VPS35L: variants seen among roughly 807,000 people sequenced by gnomAD.
VPS35L encodes the protein VPS35 endosomal protein sorting factor like, also known as VPS35 endosomal protein-sorting factor-like.
Under a neutral mutation model 133.0 loss-of-function variants are expected in VPS35L, and 83 were observed. That is an observed-to-expected ratio of 0.62 (90% CI 0.52 to 0.75). The LOEUF (loss-of-function observed/expected upper bound fraction) is 0.75. Among genes scored for constraint, VPS35L ranks in the 30% least tolerant of loss-of-function variants. VPS35L has a pLI of 0.00. For synonymous variants in VPS35L, 423 were observed against 449.9 expected (o/e 0.94, Z 0.76); for missense variants, 1,083 against 1,206.8 (o/e 0.90, Z 1.52).
chr16:19,566,163 C>T (rs1393009046), intron 2 of VPS35L, among the ~76,000 whole-genome samples: 1 of 152,170 alleles, frequency 6.6e-6, no homozygotes, highest in Non-Finnish European at 1.5e-5. Context: ...AGCACAGCCA[C>T]AGTTGCGTTC....
intron 14 of VPS35L, among the ~76,000 whole-genome samples, chr16:19,623,489 T>G (rs557762113): frequency 2.0e-5 from 3 of 152,188 alleles, no homozygotes; most frequent in African/African-American, 7.2e-5. Flanking sequence ...GGCTCCAACA[T>G]AGCAATTTAG....
chr16:19,645,063 G>T, intron 23 of VPS35L, 114 bp downstream of exon 23: 4 of 580,102 alleles, frequency 6.9e-6, no homozygotes, highest in Non-Finnish European at 2.8e-6. Context: ...TTCTTAGTGA[G>T]ATAAAATGAA....
chr16:19,558,144 A>T (rs1181202451), intron 1 of VPS35L, among the ~76,000 whole-genome samples: 2 of 152,214 alleles, frequency 1.3e-5, no homozygotes, highest in African/African-American at 4.8e-5. Flanking sequence ...GTGAGTGCTG[A>T]ATAATATTTA....
intron 1 of VPS35L, among the ~76,000 whole-genome samples, chr16:19,556,693 G>C (rs1318413639): frequency 6.6e-6 from 1 of 152,174 alleles, no homozygotes; most frequent in Non-Finnish European, 1.5e-5. Flanking sequence ...TTCTGCTTTT[G>C]AGCTTGATAA....
chr16:19,613,797 C>T (rs1342274826), intron 12 of VPS35L, among the ~76,000 whole-genome samples: 1 of 152,118 alleles, frequency 6.6e-6, no homozygotes, highest in Non-Finnish European at 1.5e-5. Flanking sequence ...GATCTAGCTC[C>T]ACCACAAACC....
At chr16:19,690,472 T>C (rs775186099) in intron 28 of VPS35L, among the ~76,000 whole-genome samples, 1 of 152,206 alleles carries the variant, frequency 6.6e-6, no homozygotes, top group Non-Finnish European at 1.5e-5. Context: ...CAAAGGGATT[T>C]ACACTTCTAG....
intron 9 of VPS35L, among the ~76,000 whole-genome samples, chr16:19,603,017 A>C (rs973396287): frequency 2.0e-5 from 3 of 148,716 alleles, no homozygotes; most frequent in African/African-American, 7.5e-5. Flanking sequence ...CTCCCACCTC[A>C]GCCTCCCAAA....
chr16:19,695,075 C>T (rs532146208), intron 29 of VPS35L, among the ~76,000 whole-genome samples: 22 of 152,030 alleles, frequency 1.4e-4, no homozygotes, highest in South Asian at 4.1e-4. Context: ...CAAAGTGCTG[C>T]GGATTCTGGG....
intron 3 of VPS35L, among the ~76,000 whole-genome samples, chr16:19,570,889 A>ATTTTTTTTT (rs1489865417): frequency 1.1e-5 from 1 of 91,852 alleles, no homozygotes; most frequent in African/African-American, 4.7e-5. Context: ...ATATATATAT[A>ATTTTTTTTT]TTTTTGAGAT....
rs545406545 is a variant in VPS35L, at chr16:19,563,733, C to A, written c.18-1118C>A. Among the ~76,000 whole-genome samples the A allele has an allele frequency of 1.2e-4, 18 of 152,360 alleles. No homozygotes were observed. In the South Asian group the frequency reaches 3.5e-3, roughly 30 times the overall value. Reference sequence around the variant, plus strand: ...TCTTCATCTCCTTTCTGCGTGGCTCCTTTCTCTTGCCCTATGCAGCTCAAT... The same window carrying A: ...TCTTCATCTCCTTTCTGCGTGGCTCATTTCTCTTGCCCTATGCAGCTCAAT... On this transcript the variant is annotated intron_variant, in intron 1 of 30. Coordinates refer to ENST00000417362, the MANE Select transcript of VPS35L (RefSeq NM_020314.7).
At chr16:19,669,505 C>A (rs1211274160) in intron 27 of VPS35L, among the ~76,000 whole-genome samples, 7 of 152,028 alleles carry the variant, frequency 4.6e-5, no homozygotes, top group African/African-American at 1.7e-4. Context: ...GGTACTATGT[C>A]AGCTCAGGCT....
intron 27 of VPS35L, among the ~76,000 whole-genome samples, chr16:19,671,634 A>G (rs1295443192): frequency 6.7e-6 from 1 of 149,290 alleles, no homozygotes; most frequent in Non-Finnish European, 1.5e-5. Context: ...AAAATTAGCC[A>G]GGAGTGGTGG....
intron 29 of VPS35L, among the ~76,000 whole-genome samples, chr16:19,696,821 T>C (rs1451536638): frequency 6.6e-6 from 1 of 152,224 alleles, no homozygotes; most frequent in African/African-American, 2.4e-5. Flanking sequence ...CTTGTCTGAC[T>C]TTTAAAACAG....
rs147657000 is a variant in VPS35L at position 19,688,416 on chromosome 16, T to C, written c.2528-2937T>C. Among the ~76,000 whole-genome samples, 896 of 152,288 alleles carry C rather than the reference T, an allele frequency of 5.9e-3. 4 individuals carry two copies. The highest frequency in any genetic ancestry group is 0.02 in the African/African-American group (833 of 41,568). On this transcript the variant is annotated intron_variant, in intron 28 of 30. Coordinates refer to ENST00000417362, the MANE Select transcript of VPS35L (RefSeq NM_020314.7). ...ATTCTAGCAGATAAGCTAAACTGGA[T>C]GTGGTTTATTAAAGACATCCCTAAG...
chr16:19,618,607 G>A (rs1301736958), intron 14 of VPS35L, among the ~76,000 whole-genome samples: 3 of 152,232 alleles, frequency 2.0e-5, no homozygotes, highest in African/African-American at 4.8e-5. Flanking sequence ...TGGAGTCGGG[G>A]TGCCTGGGTC....
chr16:19,609,049 C>A, intron 11 of VPS35L, 28 bp downstream of exon 11: 2 of 1,598,564 alleles, frequency 1.3e-6, no homozygotes, highest in Non-Finnish European at 1.7e-6. Flanking sequence ...AATCTAGAAC[C>A]ATAAAATTTC....
intron 28 of VPS35L, among the ~76,000 whole-genome samples, chr16:19,685,103 T>C (rs1160806692): frequency 1.5e-4 from 22 of 151,244 alleles, no homozygotes; most frequent in Admixed American, 3.9e-4. Context: ...ATAACATATA[T>C]GCAATAAACT....
chr16:19,573,770 G>A (rs555241119), intron 4 of VPS35L, among the ~76,000 whole-genome samples: 1 of 151,962 alleles, frequency 6.6e-6, no homozygotes, highest in East Asian at 1.9e-4. Context: ...CAGAGATCAC[G>A]CCACTGCACT....
chr16:19,610,202 T>C (rs1282882263), intron 11 of VPS35L, 120 bp from the exon 12 acceptor site: 6 of 806,878 alleles, frequency 7.4e-6, no homozygotes, highest in Admixed American at 2.4e-5. Flanking sequence ...GGTTTGTTAC[T>C]GAAACTTGAT....
Sources: allele counts gnomAD v4.1 joint callset (sites outside exome capture counted in the v4.1 genomes callset), GRCh38; gene constraint gnomAD v4.1.1; transcripts MANE v1.5; gene names NCBI Gene and HGNC (gene_info 2026-07-23, HGNC 2026-07-21).